Variants in OTUD7A observed in about 807,000 individuals in gnomAD.
The protein encoded by OTUD7A is OTU domain-containing protein 7A.
A neutral mutation model predicts 65.7 loss-of-function variants in OTUD7A; 12 were observed. The observed-to-expected ratio is 0.18, with a 90% CI of 0.12 to 0.30. OTUD7A has a LOEUF of 0.30. Ranked by LOEUF, OTUD7A falls within the 10% of genes least tolerant of loss-of-function variation. The pLI, the probability that OTUD7A is intolerant of heterozygous loss-of-function variation, is 1.00. For synonymous variants in OTUD7A, 641 were observed against 586.3 expected (o/e 1.09, Z -1.35); for missense variants, 1,148 against 1,304.8 (o/e 0.88, Z 1.85).
At chr15:31,604,483 T>C (rs1566939890) in intron 3 of OTUD7A, among the ~76,000 whole-genome samples, 1 of 151,968 alleles carries the variant, frequency 6.6e-6, no homozygotes, top group Non-Finnish European at 1.5e-5. Context: ...TTAGGAGAAA[T>C]ACCTAATGTA....
chr15:31,500,992 G>A (rs1001825239), intron 10 of OTUD7A, among the ~76,000 whole-genome samples: 56 of 152,262 alleles, frequency 3.7e-4, no homozygotes, highest in African/African-American at 1.3e-3. Flanking sequence ...TATTTCCCCA[G>A]TAAAGACATT....
chr15:31,744,670 C>A (rs1894430326), intron 1 of OTUD7A, among the ~76,000 whole-genome samples: 1 of 151,932 alleles, frequency 6.6e-6, no homozygotes, highest in Admixed American at 6.6e-5. Flanking sequence ...AGTCTTAATA[C>A]TTGTACAAAA....
At position 31,481,481 on chromosome 15, in the gene OTUD7A, T is replaced by C. The variant is rs1211881775; in HGVS notation, c.*1813A>G. The C allele has an allele frequency of 6.6e-6, 1 of 152,178 alleles. No individual in the cohort carries two copies. Among genetic ancestry groups the C allele is most frequent in the East Asian group, 1.9e-4 (1 of 5,198 alleles). The allele number at this position is 152,178 out of a possible 1,614,324, so 9.4% of individuals were successfully genotyped here. A position where few individuals can be genotyped will look rare whatever the true frequency, so the allele number is the denominator to read the frequency against. ...TGAGTAATAAAAGAAACCCCAGTAA[T>C]ATTAGGGACATGGATGTTAGTACAG... is the stretch of plus-strand genomic sequence containing the variant. On this transcript the variant is annotated 3_prime_UTR_variant, in exon 13 of 13. Coordinates refer to ENST00000307050, the MANE Select transcript of OTUD7A (RefSeq NM_001382637.1).
At chr15:31,662,490 T>C (rs1366594652) in intron 1 of OTUD7A, among the ~76,000 whole-genome samples, 8 of 152,264 alleles carry the variant, frequency 5.3e-5, no homozygotes, top group South Asian at 2.1e-4. Flanking sequence ...GCTTAAGTCC[T>C]GAATCAAGTT....
chr15:31,731,408 A>G (rs1406299532), intron 1 of OTUD7A, among the ~76,000 whole-genome samples: 1 of 152,194 alleles, frequency 6.6e-6, no homozygotes, highest in Non-Finnish European at 1.5e-5. Context: ...AATGGGGTAT[A>G]AGGCCACGGA....
intron 3 of OTUD7A, among the ~76,000 whole-genome samples, chr15:31,636,410 A>G (rs1367275683): frequency 6.6e-6 from 1 of 152,202 alleles, no homozygotes; most frequent in Non-Finnish European, 1.5e-5. Context: ...GATGAACTTA[A>G]TAAACGTTGT....
At chr15:31,561,667 A>T (rs1010171387) in intron 4 of OTUD7A, among the ~76,000 whole-genome samples, 1 of 152,188 alleles carries the variant, frequency 6.6e-6, no homozygotes, top group East Asian at 1.9e-4. Flanking sequence ...TGAACTAAAA[A>T]TATTAATAGA....
At chr15:31,632,388 T>A (rs1168687402) in intron 3 of OTUD7A, among the ~76,000 whole-genome samples, 2 of 152,206 alleles carry the variant, frequency 1.3e-5, no homozygotes, top group Non-Finnish European at 2.9e-5. Context: ...TCAGCAGCGG[T>A]GGCTGCAGAA....
chr15:31,802,084 T>C (rs1896139690), intron 1 of OTUD7A, among the ~76,000 whole-genome samples: 1 of 141,392 alleles, frequency 7.1e-6, no homozygotes, highest in Non-Finnish European at 1.5e-5. Flanking sequence ...ACTAATGGAA[T>C]ATATATGTGT....
At chr15:31,840,618 T>C (rs986062489) in intron 1 of OTUD7A, among the ~76,000 whole-genome samples, 1 of 152,210 alleles carries the variant, frequency 6.6e-6, no homozygotes, top group Non-Finnish European at 1.5e-5. Context: ...CGGTCTTTTT[T>C]TCCCCCTTTA....
chr15:31,616,266 A>T (rs1260629917), intron 3 of OTUD7A, among the ~76,000 whole-genome samples: 1 of 152,140 alleles, frequency 6.6e-6, no homozygotes, highest in Non-Finnish European at 1.5e-5. Flanking sequence ...TGCATCTAAA[A>T]CTGGCCTGTC....
intron 1 of OTUD7A, among the ~76,000 whole-genome samples, chr15:31,801,628 G>A (rs1333867556): frequency 6.6e-6 from 1 of 152,160 alleles, no homozygotes; most frequent in Non-Finnish European, 1.5e-5. Context: ...TACTTTGTGG[G>A]TGCTAAAGTA....
rs150464170 is a variant in OTUD7A at position 31,863,904 on chromosome 15, T to C, written c.-100+6603A>G. On this transcript the variant is annotated intron_variant, in intron 1 of 12. Transcript: ENST00000307050. ...TTTATGCTCTCTTTCCCTTTTAAAA[T>C]GGAATGCTTTTAACAGCACCTAAGT... Among the ~76,000 whole-genome samples, 1,069 of 152,354 alleles carry C rather than the reference T, an allele frequency of 7.0e-3. 15 individuals are homozygous for C. The highest frequency in any genetic ancestry group is 0.025 in the African/African-American group (1,029 of 41,580).
At chr15:31,520,493 A>G (rs2041922947) in intron 8 of OTUD7A, among the ~76,000 whole-genome samples, 1 of 152,234 alleles carries the variant, frequency 6.6e-6, no homozygotes, top group African/African-American at 2.4e-5. Flanking sequence ...ATATATAAAA[A>G]TTAACTCAAA....
intron 1 of OTUD7A, among the ~76,000 whole-genome samples, chr15:31,761,846 G>T (rs1894973508): frequency 6.6e-6 from 1 of 152,124 alleles, no homozygotes; most frequent in Non-Finnish European, 1.5e-5. Context: ...GGAAGTACTG[G>T]TACTTACTAC....
chr15:31,619,278 C>G (rs1387795971), intron 3 of OTUD7A, among the ~76,000 whole-genome samples: 3 of 151,964 alleles, frequency 2.0e-5, no homozygotes, highest in African/African-American at 4.8e-5. Context: ...GGTTCCATAT[C>G]AACTTTAAAG....
chr15:31,761,991 G>A (rs779238748), intron 1 of OTUD7A, among the ~76,000 whole-genome samples: 1 of 152,146 alleles, frequency 6.6e-6, no homozygotes, highest in South Asian at 2.1e-4. Context: ...GCCTACAGAG[G>A]GGGGCATGTG....
At chr15:31,797,904 C>A (rs1896014179) in intron 1 of OTUD7A, among the ~76,000 whole-genome samples, 1 of 152,108 alleles carries the variant, frequency 6.6e-6, no homozygotes, top group South Asian at 2.1e-4. Context: ...CAGGCATTCA[C>A]TTTGCACCGT....
chr15:31,782,493 T>C (rs1895566428), intron 1 of OTUD7A, among the ~76,000 whole-genome samples: 2 of 151,958 alleles, frequency 1.3e-5, no homozygotes, highest in Admixed American at 6.5e-5. Context: ...AGGCAGATGC[T>C]AGGATTCACA....
Sources: allele counts gnomAD v4.1 joint callset (sites outside exome capture counted in the v4.1 genomes callset), GRCh38; gene constraint gnomAD v4.1.1; transcripts MANE v1.5; gene names NCBI Gene and HGNC (gene_info 2026-07-23, HGNC 2026-07-21).